DMD: variants seen among roughly 807,000 people sequenced by gnomAD.
The protein encoded by DMD is mutant dystrophin.
Under a neutral mutation model 330.1 loss-of-function variants are expected in DMD, and 63 were observed. The observed-to-expected ratio is 0.19, with a 90% CI of 0.16 to 0.24. The LOEUF is 0.24. Ranked by LOEUF, DMD falls within the 10% of genes least tolerant of loss-of-function variation. The pLI is 1.00. For synonymous variants in DMD, 1,223 were observed against 959.8 expected (o/e 1.27, Z -5.07); for missense variants, 3,344 against 2,684.1 (o/e 1.25, Z -5.43).
chrX:33,042,658 C>T (rs2094320784), intron 1 of DMD, among the ~76,000 whole-genome samples: 2 of 112,330 alleles, frequency 1.8e-5, no homozygotes, highest in Non-Finnish European at 3.8e-5. Context: ...ACTGGATTCC[C>T]AAAAGTAAGT....
intron 44 of DMD, among the ~76,000 whole-genome samples, chrX:32,001,059 T>A (rs987549706): frequency 1.8e-5 from 2 of 111,445 alleles, no homozygotes; most frequent in Non-Finnish European, 3.8e-5. Context: ...TTAAATACCT[T>A]TCAGATTAAA....
At chrX:32,893,668 A>AT (rs1208101339) in intron 2 of DMD, among the ~76,000 whole-genome samples, 27 of 107,295 alleles carry the variant, frequency 2.5e-4, no homozygotes, top group East Asian at 5.8e-4. Flanking sequence ...GGAGCTGGAA[A>AT]TTTTTTTTTT....
intron 1 of DMD, among the ~76,000 whole-genome samples, chrX:33,209,750 G>A (rs775514177): frequency 5.4e-5 from 6 of 110,959 alleles, no homozygotes; most frequent in Non-Finnish European, 1.1e-4. Context: ...ATCCTACAGG[G>A]CATGTCCCAA....
intron 60 of DMD, among the ~76,000 whole-genome samples, chrX:31,408,064 A>G (rs1463036219): frequency 1.8e-5 from 2 of 112,627 alleles, no homozygotes; most frequent in Non-Finnish European, 3.7e-5. Flanking sequence ...AATCATTCAT[A>G]TATGAGAGAA....
chrX:32,554,728 A>C (rs1358073799), intron 16 of DMD, among the ~76,000 whole-genome samples: 2 of 102,152 alleles, frequency 2.0e-5, no homozygotes, highest in Non-Finnish European at 2.0e-5. Flanking sequence ...AAACTATTCC[A>C]AAAAAATTGA....
At chrX:32,417,884 A>G (rs2098172277) in intron 29 of DMD, among the ~76,000 whole-genome samples, 1 of 109,266 alleles carries the variant, frequency 9.2e-6, no homozygotes, top group South Asian at 4.0e-4. Flanking sequence ...AGTTAACAGG[A>G]GACATTTGCC....
chrX:32,386,722 GT>G (rs1205203070), intron 32 of DMD, among the ~76,000 whole-genome samples: 23 of 75,279 alleles, frequency 3.1e-4, no homozygotes, highest in Non-Finnish European at 2.2e-4. Context: ...ATATATATGT[GT>G]TTTGTGATAT....
At chrX:32,948,778 T>C (rs2090993212) in intron 2 of DMD, among the ~76,000 whole-genome samples, 1 of 111,910 alleles carries the variant, frequency 8.9e-6, no homozygotes, top group Non-Finnish European at 1.9e-5. Flanking sequence ...CTTTGCTATT[T>C]TTCCAAAAAT....
intron 44 of DMD, among the ~76,000 whole-genome samples, chrX:31,978,422 T>C (rs2095452543): frequency 9.0e-6 from 1 of 111,268 alleles, no homozygotes; most frequent in African/African-American, 3.3e-5. Context: ...ATGTTATTAA[T>C]ACACCCTCCT....
At chrX:32,667,859 G>T (rs759962174) in intron 9 of DMD, among the ~76,000 whole-genome samples, 5 of 107,711 alleles carry the variant, frequency 4.6e-5, no homozygotes, top group Non-Finnish European at 9.5e-5. Context: ...TACCCTTAAG[G>T]CTGGGCACTG....
chrX:31,622,877 T>TATATACACAC (rs1361969125), intron 55 of DMD, among the ~76,000 whole-genome samples: 18 of 70,327 alleles, frequency 2.6e-4, no homozygotes, highest in African/African-American at 5.3e-4. Flanking sequence ...TATATATATA[T>TATATACACAC]ACACACACAC....
chrX:32,423,335 GAT>G (rs1421884461), intron 29 of DMD, among the ~76,000 whole-genome samples: 1 of 107,995 alleles, frequency 9.3e-6, no homozygotes. Flanking sequence ...CCATTAAATG[GAT>G]ATGTTAACAC....
chrX:31,414,664 A>T lies in DMD; in HGVS notation c.9084+29817T>A, dbSNP rs142901241. ...CATTTCTTCCGCTCATCTGATACAG[A>T]CATAATTAAAATGCTGCAAGTTTAC... is the stretch of plus-strand genomic sequence containing the variant. On this transcript the variant is annotated intron_variant, in intron 60 of 78. Coordinates refer to ENST00000357033, the MANE Select transcript of DMD (RefSeq NM_004006.3). 9.6e-3 allele frequency among the ~76,000 whole-genome samples: 1,082 copies of T among 112,501 alleles called. 9 individuals are homozygous for T. Among genetic ancestry groups the T allele is most frequent in the African/African-American group, 0.03 (928 of 31,026 alleles).
chrX:32,208,002 T>G (rs998698906), intron 44 of DMD, among the ~76,000 whole-genome samples: 2 of 112,094 alleles, frequency 1.8e-5, no homozygotes, highest in East Asian at 2.8e-4. Context: ...TAACTAGGAT[T>G]TACAATACAA....
chrX:33,003,612 G>C (rs1231519225), intron 2 of DMD, among the ~76,000 whole-genome samples: 2 of 101,241 alleles, frequency 2.0e-5, no homozygotes, highest in Non-Finnish European at 3.8e-5. Flanking sequence ...TTTTCTTTTT[G>C]TCCGTTTTTT....
chrX:32,884,079 A>C (rs1456605210), intron 2 of DMD, among the ~76,000 whole-genome samples: 1 of 110,466 alleles, frequency 9.1e-6, no homozygotes, highest in Non-Finnish European at 1.9e-5. Context: ...TTACTTAAAC[A>C]TGCCATCCTC....
intron 7 of DMD, among the ~76,000 whole-genome samples, chrX:32,716,675 A>T (rs1361475941): frequency 1.8e-5 from 2 of 111,098 alleles, no homozygotes; most frequent in African/African-American, 6.6e-5. Context: ...AGACAGGAAG[A>T]TGAGGGAAAG....
intron 2 of DMD, among the ~76,000 whole-genome samples, chrX:32,858,084 A>G (rs1293643074): frequency 9.0e-6 from 1 of 110,929 alleles, no homozygotes; most frequent in Non-Finnish European, 1.9e-5. Flanking sequence ...TTAAAGTATC[A>G]CAATTGAAAT....
intron 7 of DMD, among the ~76,000 whole-genome samples, chrX:32,784,003 G>A (rs1019754262): frequency 5.9e-5 from 3 of 50,483 alleles, no homozygotes; most frequent in Non-Finnish European, 9.3e-5. Flanking sequence ...CATGGAGCGG[G>A]GGTGGGGGGG....
Sources: gnomAD v4.1 joint callset for allele counts (sites outside exome capture counted in the v4.1 genomes callset) on GRCh38, gnomAD v4.1.1 for gene constraint, MANE v1.5 for transcripts, NCBI Gene and HGNC (gene_info 2026-07-23, HGNC 2026-07-21) for gene names.